FRMD4A: variants seen among roughly 807,000 people sequenced by gnomAD.
FRMD4A encodes FERM domain containing 4A, also known as FERM domain-containing protein 4A.
FRMD4A carries 29 observed loss-of-function variants against 129.1 expected under a neutral mutation model. That is an observed-to-expected ratio of 0.22 (90% confidence interval 0.17 to 0.31). The LOEUF (loss-of-function observed/expected upper bound fraction) is 0.31. Ranked by LOEUF, FRMD4A falls within the 10% of genes least tolerant of loss-of-function variation. The probability of loss-of-function intolerance (pLI) is 1.00; values close to 1 mark genes in which losing one functional copy is unlikely to be tolerated. For missense variants in FRMD4A, 1,272 were observed against 1,375.8 expected (o/e 0.92, Z 1.19); for synonymous variants, 634 against 571.6 (o/e 1.11, Z -1.56).
intron 2 of FRMD4A, among the ~76,000 whole-genome samples, chr10:14,273,591 G>T (rs1352251613): frequency 6.6e-6 from 1 of 152,096 alleles, no homozygotes; most frequent in South Asian, 2.1e-4. Flanking sequence ...GATTAAGATA[G>T]AAATGAATTC....
intron 2 of FRMD4A, among the ~76,000 whole-genome samples, chr10:13,900,487 C>T (rs1225373341): frequency 6.6e-6 from 1 of 152,158 alleles, no homozygotes; most frequent in African/African-American, 2.4e-5. Flanking sequence ...CCTGGGAGTA[C>T]CTGTATTCCA....
chr10:14,046,883 G>T (rs1261082648), intron 2 of FRMD4A, among the ~76,000 whole-genome samples: 1 of 152,148 alleles, frequency 6.6e-6, no homozygotes, highest in African/African-American at 2.4e-5. Context: ...TCCCACCATT[G>T]TGAGGCATGG....
intron 2 of FRMD4A, among the ~76,000 whole-genome samples, chr10:13,999,066 A>C (rs1023876880): frequency 6.6e-6 from 1 of 151,784 alleles, no homozygotes; most frequent in Non-Finnish European, 1.5e-5. Flanking sequence ...CCTCAAGTAC[A>C]TCAAGCCCAC....
chr10:14,052,123 T>A (rs1391826844), intron 2 of FRMD4A, among the ~76,000 whole-genome samples: 1 of 152,156 alleles, frequency 6.6e-6, no homozygotes, highest in East Asian at 1.9e-4. Flanking sequence ...AGCCAATGGA[T>A]GCCAAGTATG....
At chr10:14,137,458 C>T (rs1335849764) in intron 2 of FRMD4A, among the ~76,000 whole-genome samples, 1 of 152,188 alleles carries the variant, frequency 6.6e-6, no homozygotes, top group South Asian at 2.1e-4. Context: ...TCTTCCTCTC[C>T]CATTGAGATT....
intron 2 of FRMD4A, among the ~76,000 whole-genome samples, chr10:14,108,041 C>G (rs1363087154): frequency 6.6e-6 from 1 of 152,178 alleles, no homozygotes; most frequent in Non-Finnish European, 1.5e-5. Context: ...TTCATAGAAG[C>G]TGTACCTTCT....
chr10:13,964,449 A>G (rs931097052), intron 2 of FRMD4A, among the ~76,000 whole-genome samples: 1 of 80,474 alleles, frequency 1.2e-5, no homozygotes. Context: ...CTGCACAGCC[A>G]GGAGTGGCGT....
chr10:13,808,169 TCA>T (rs2093388231), intron 4 of FRMD4A, among the ~76,000 whole-genome samples: 1 of 152,238 alleles, frequency 6.6e-6, no homozygotes, highest in Non-Finnish European at 1.5e-5. Context: ...GTACGGCACT[TCA>T]CAGTTTATAA....
At chr10:14,072,400 C>T (rs1835358251) in intron 2 of FRMD4A, among the ~76,000 whole-genome samples, 1 of 152,212 alleles carries the variant, frequency 6.6e-6, no homozygotes, top group Admixed American at 6.5e-5. Flanking sequence ...GTTGGATTCA[C>T]ATATCCTCCG....
chr10:13,762,785 G>A, intron 6 of FRMD4A, 105 bp from the exon 7 acceptor site: 1 of 730,604 alleles, frequency 1.4e-6, no homozygotes, highest in Non-Finnish European at 2.4e-6. Flanking sequence ...CTTGAGCCCT[G>A]GAGTTTGAGA....
intron 2 of FRMD4A, among the ~76,000 whole-genome samples, chr10:14,090,030 G>A (rs997510874): frequency 3.9e-5 from 6 of 152,244 alleles, no homozygotes; most frequent in Non-Finnish European, 8.8e-5. Flanking sequence ...CTCTGAGTGT[G>A]TAACCCAAAC....
chr10:14,003,795 A>C (rs1000229793), intron 2 of FRMD4A, among the ~76,000 whole-genome samples: 1 of 152,250 alleles, frequency 6.6e-6, no homozygotes, highest in Non-Finnish European at 1.5e-5. Context: ...TTGCATCTAT[A>C]AAGGTAATCT....
chr10:14,217,001 T>C (rs1471859933), intron 2 of FRMD4A, among the ~76,000 whole-genome samples: 1 of 152,184 alleles, frequency 6.6e-6, no homozygotes, highest in Non-Finnish European at 1.5e-5. Context: ...CAAGGGAACA[T>C]GCTGGGAAGT....
chr10:14,324,859 C>T (rs1362939555), intron 2 of FRMD4A, among the ~76,000 whole-genome samples: 1 of 152,178 alleles, frequency 6.6e-6, no homozygotes, highest in Non-Finnish European at 1.5e-5. Context: ...TGGGGTTTCA[C>T]CATGTTGGCC....
At chr10:13,650,272 T>C (rs893509407) in intron 24 of FRMD4A, among the ~76,000 whole-genome samples, 1 of 152,156 alleles carries the variant, frequency 6.6e-6, no homozygotes, top group Non-Finnish European at 1.5e-5. Flanking sequence ...CTGGGGTTGT[T>C]GAACAGTCCC....
intron 14 of FRMD4A, among the ~76,000 whole-genome samples, chr10:13,695,276 G>A (rs533832167): frequency 3.1e-4 from 47 of 152,188 alleles, no homozygotes; most frequent in African/African-American, 1.1e-3. Context: ...GAGTAGTGGG[G>A]ATTACAGGTG....
intron 2 of FRMD4A, among the ~76,000 whole-genome samples, chr10:14,164,567 C>T (rs1841075386): frequency 6.6e-6 from 1 of 152,192 alleles, no homozygotes; most frequent in Admixed American, 6.5e-5. Context: ...AGGTGGGACT[C>T]AGCCTCTTCT....
chr10:14,223,661 T>TG (rs1843335992), intron 2 of FRMD4A, among the ~76,000 whole-genome samples: 1 of 149,202 alleles, frequency 6.7e-6, no homozygotes, highest in Non-Finnish European at 1.5e-5. Context: ...GGATCATTTC[T>TG]GGCTGGGAGG....
intron 2 of FRMD4A, among the ~76,000 whole-genome samples, chr10:14,082,051 T>C (rs111766441): frequency 2.5e-4 from 38 of 152,228 alleles, no homozygotes; most frequent in African/African-American, 8.9e-4. Flanking sequence ...ATCGAGACCA[T>C]TCTGGCTAAC....
Sources: gnomAD v4.1 joint callset for allele counts (sites outside exome capture counted in the v4.1 genomes callset) on GRCh38, gnomAD v4.1.1 for gene constraint, MANE v1.5 for transcripts, NCBI Gene and HGNC (gene_info 2026-07-23, HGNC 2026-07-21) for gene names.